Variants in KANSL1 observed in about 807,000 individuals in gnomAD.
KANSL1 encodes MLL1/MLL complex subunit KANSL1.
Under a neutral mutation model 103.6 loss-of-function variants are expected in KANSL1, and 22 were observed. The ratio of observed to expected loss-of-function variants is 0.21; its 90% confidence interval spans 0.15 to 0.30. The LOEUF (loss-of-function observed/expected upper bound fraction) is 0.30, where lower values mean the gene tolerates loss of function less well. Among genes scored for constraint, KANSL1 ranks in the 10% least tolerant of loss-of-function variants. KANSL1 has a pLI of 1.00. For synonymous variants in KANSL1, 600 were observed against 527.6 expected (o/e 1.14, Z -1.88); for missense variants, 1,337 against 1,399.8 (o/e 0.96, Z 0.72).
At chr17:46,032,356 G>A in intron 13 of KANSL1, 57 bp from the exon 14 acceptor site, 3 of 1,451,366 alleles carry the variant, frequency 2.1e-6, no homozygotes, top group Non-Finnish European at 2.7e-6. Context: ...TATGGGGGTA[G>A]AGGGCATGAA....
chr17:46,059,018 GCC>G lies in KANSL1; in HGVS notation c.1848+7517_1848+7518del, dbSNP rs2078047098. Among the ~76,000 whole-genome samples the G allele has an allele frequency of 3.4e-5, 5 of 148,280 alleles. No individual in the cohort carries two copies. The South Asian group carries it at 1.1e-3, about 32-fold the overall frequency. On this transcript the variant is annotated intron_variant, in intron 6 of 14. Transcript: ENST00000432791. ...GCCAAGGATGTGCCACTGCACTCCA[GCC>G]TGGGCAACAGAGCGAGACTCCATCT...
upstream of KANSL1, chr17:46,193,660 C>T (rs1228531166): frequency 1.3e-5 from 4 of 313,700 alleles, no homozygotes; most frequent in African/African-American, 4.5e-5. Context: ...GCCGCGGCGC[C>T]CGGCCCCAGC....
At chr17:46,153,486 A>G (rs1257332309) in intron 2 of KANSL1, among the ~76,000 whole-genome samples, 1 of 152,278 alleles carries the variant, frequency 6.6e-6, no homozygotes, top group Non-Finnish European at 1.5e-5. Flanking sequence ...TGTGGGCTGG[A>G]AATGAAAACA....
intron 1 of KANSL1, among the ~76,000 whole-genome samples, chr17:46,186,951 G>A (rs531517580): frequency 6.6e-6 from 1 of 151,986 alleles, no homozygotes; most frequent in East Asian, 1.9e-4. Context: ...AGCCAGGCTG[G>A]TCTCAAACTC....
chr17:46,138,860 A>G (rs2696600), intron 2 of KANSL1, among the ~76,000 whole-genome samples: 21,963 of 152,222 alleles, frequency 0.14, 2,135 homozygotes, highest in Non-Finnish European at 0.22. Flanking sequence ...TATTAGGAGA[A>G]GTCATGAAGT....
chr17:46,039,085 C>G lies in KANSL1; in HGVS notation c.2334G>C (p.Val778=), dbSNP rs767419587. 15 of 1,612,342 alleles carry G rather than the reference C, an allele frequency of 9.3e-6. No individual in the cohort carries two copies. The highest frequency in any genetic ancestry group is 1.3e-5 in the Non-Finnish European group (15 of 1,179,790). The change falls in exon 9 of 15, where the codon GTG becomes GTC. Residue 778 remains valine, a synonymous_variant. Transcript: ENST00000432791. ...AERLLNPPPP[V]HDPNHSKMRL... Reference sequence around the variant, plus strand: ...TCATTTTGCTGTGGTTTGGGTCATGCACGGGTGGTGGTGGGTTGAGCAAGC... The same window carrying G: ...TCATTTTGCTGTGGTTTGGGTCATGGACGGGTGGTGGTGGGTTGAGCAAGC...
chr17:46,062,917 G>A (rs1181460008), intron 6 of KANSL1, among the ~76,000 whole-genome samples: 1 of 152,072 alleles, frequency 6.6e-6, no homozygotes, highest in Non-Finnish European at 1.5e-5. Context: ...GGGCGTGGTG[G>A]CGTATGCCTG....
chr17:46,135,542 A>ATTTTTTTTTTT (rs34258265), intron 2 of KANSL1, among the ~76,000 whole-genome samples: 65 of 119,020 alleles, frequency 5.5e-4, no homozygotes, highest in Non-Finnish European at 7.0e-4. Flanking sequence ...TCAACTATAC[A>ATTTTTTTTTTT]TTTTTTTTTT....
At chr17:46,052,808 A>T (rs1348507177) in intron 6 of KANSL1, among the ~76,000 whole-genome samples, 1 of 148,470 alleles carries the variant, frequency 6.7e-6, no homozygotes, top group African/African-American at 2.5e-5. Context: ...AAAAAAAAAA[A>T]AAAAAATTTA....
At chr17:46,047,114 A>G (rs776657181) in intron 7 of KANSL1, among the ~76,000 whole-genome samples, 1 of 152,220 alleles carries the variant, frequency 6.6e-6, no homozygotes, top group Non-Finnish European at 1.5e-5. Flanking sequence ...TTTCTCTTAC[A>G]AGAAATCACA....
chr17:46,215,742 T>A (rs2048319715), intron 1 of KANSL1, among the ~76,000 whole-genome samples: 1 of 152,132 alleles, frequency 6.6e-6, no homozygotes, highest in South Asian at 2.1e-4. Flanking sequence ...AAGATCATTT[T>A]AAAATGCCCA....
chr17:46,058,123 C>T (rs2077997820), intron 6 of KANSL1, among the ~76,000 whole-genome samples: 1 of 152,078 alleles, frequency 6.6e-6, no homozygotes, highest in African/African-American at 2.4e-5. Context: ...AATTGCAAGG[C>T]AAAATTCTTG....
intron 4 of KANSL1, 48 bp from the exon 5 acceptor site, chr17:46,067,715 C>A (rs747327621): frequency 1.7e-5 from 16 of 964,448 alleles, no homozygotes; most frequent in Non-Finnish European, 2.5e-5. Flanking sequence ...CCAAGCGCAC[C>A]CCTGCCTGAA....
intron 2 of KANSL1, among the ~76,000 whole-genome samples, chr17:46,167,014 A>C (rs1439442706): frequency 6.6e-6 from 1 of 151,920 alleles, no homozygotes; most frequent in Non-Finnish European, 1.5e-5. Flanking sequence ...GGAGAAAAAA[A>C]AGAAAAAAAA....
chr17:46,031,576 CCA>C lies in KANSL1; in HGVS notation c.3216_3217del (p.Gly1073ProfsTer44). 6.2e-7 allele frequency: 1 copy of C among 1,614,146 alleles called. No individual in the cohort carries two copies. The highest frequency in any genetic ancestry group is 1.1e-5 in the South Asian group (1 of 91,078). On this transcript the variant is annotated frameshift_variant, in exon 15 of 15. Transcript: ENST00000432791. LOFTEE classifies it high-confidence loss of function. ...GGTGGGCGCTGCCTCTGTCTCCCGG[CCA>C]GTCTTGCTGCCTGAGGTGCGTCGAG...
chr17:46,204,843 C>T (rs1278495430), intron 1 of KANSL1, among the ~76,000 whole-genome samples: 3 of 152,242 alleles, frequency 2.0e-5, no homozygotes, highest in African/African-American at 7.2e-5. Flanking sequence ...ATACAAACCA[C>T]ATGATCATTT....
At chr17:46,154,250 G>C (rs2045291646) in intron 2 of KANSL1, among the ~76,000 whole-genome samples, 1 of 152,238 alleles carries the variant, frequency 6.6e-6, no homozygotes, top group Non-Finnish European at 1.5e-5. Context: ...TACTGGCAAT[G>C]AGGGAAGTGG....
chr17:46,200,090 G>T (rs2047747907), intron 1 of KANSL1, among the ~76,000 whole-genome samples: 1 of 150,160 alleles, frequency 6.7e-6, no homozygotes, highest in South Asian at 2.1e-4. Context: ...GTGAATTTTA[G>T]TTAATTCTAA....
chr17:46,075,705 C>G (rs1004100268), intron 4 of KANSL1, among the ~76,000 whole-genome samples: 1 of 152,198 alleles, frequency 6.6e-6, no homozygotes, highest in African/African-American at 2.4e-5. Context: ...ATACATAAAT[C>G]TGTACAGTCT....
Sources: allele counts gnomAD v4.1 joint callset (sites outside exome capture counted in the v4.1 genomes callset), GRCh38; gene constraint gnomAD v4.1.1; transcripts MANE v1.5; gene names NCBI Gene and HGNC (gene_info 2026-07-23, HGNC 2026-07-21).